Variants in EPM2A observed in about 807,000 individuals in gnomAD.
EPM2A encodes the protein laforin.
Under a neutral mutation model 26.5 loss-of-function variants are expected in EPM2A, and 21 were observed. The observed-to-expected ratio is 0.79, with a 90% CI of 0.56 to 1.14. EPM2A has a LOEUF of 1.14. Ranked by LOEUF, EPM2A falls within the 50% of genes most tolerant of loss-of-function variation. The probability of loss-of-function intolerance (pLI) is 0.00; values close to 1 mark genes in which losing one functional copy is unlikely to be tolerated. For missense variants in EPM2A, 458 were observed against 440.8 expected (o/e 1.04, Z -0.35); for synonymous variants, 217 against 177.6 (o/e 1.22, Z -1.76).
At chr6:145,405,407 G>A (rs1778553346) in intron 4 of EPM2A, among the ~76,000 whole-genome samples, 2 of 151,964 alleles carry the variant, frequency 1.3e-5, no homozygotes, top group Admixed American at 6.6e-5. Context: ...TCATCCTAAG[G>A]CAAGACTTTC....
At chr6:145,609,872 G>A (rs534503190) in intron 2 of EPM2A, among the ~76,000 whole-genome samples, 3 of 152,272 alleles carry the variant, frequency 2.0e-5, no homozygotes, top group South Asian at 4.1e-4. Flanking sequence ...CTTTGGAAGG[G>A]ACCTTGGAAT....
intron 1 of EPM2A, among the ~76,000 whole-genome samples, chr6:145,693,272 A>G (rs1024882723): frequency 6.6e-5 from 10 of 151,954 alleles, no homozygotes; most frequent in African/African-American, 2.4e-4. Flanking sequence ...TGTATCCTAA[A>G]ACTTTGCTCA....
downstream of EPM2A, among the ~76,000 whole-genome samples, chr6:145,497,570 C>A (rs1371584459): frequency 2.1e-5 from 1 of 47,210 alleles, no homozygotes; most frequent in African/African-American, 6.9e-5. Flanking sequence ...CCTAGAGTAG[C>A]TGTGCTGTGC....
intron 2 of EPM2A, among the ~76,000 whole-genome samples, chr6:145,541,930 T>A (rs1018608523): frequency 1.3e-5 from 2 of 152,006 alleles, no homozygotes; most frequent in East Asian, 1.9e-4. Flanking sequence ...TTTTCTTACC[T>A]TTTTTTTAAA....
chr6:145,700,369 AT>A (rs1380868443), intron 1 of EPM2A, among the ~76,000 whole-genome samples: 1 of 151,784 alleles, frequency 6.6e-6, no homozygotes, highest in East Asian at 1.9e-4. Context: ...CTGGTAGTTC[AT>A]TTTTTTTCCT....
intron 2 of EPM2A, 166 bp from the exon 3 acceptor site, chr6:145,635,652 G>C (rs1249462253): frequency 3.0e-6 from 2 of 670,048 alleles, no homozygotes; most frequent in Admixed American, 5.2e-5. Flanking sequence ...GAAAGAAAAA[G>C]TACTGGTGTT....
At chr6:145,477,007 A>G (rs911892533) in intron 4 of EPM2A, among the ~76,000 whole-genome samples, 6 of 151,912 alleles carry the variant, frequency 3.9e-5, no homozygotes, top group South Asian at 2.1e-4. Context: ...GCAACAAAAA[A>G]TTGGTTTCTT....
intron 4 of EPM2A, among the ~76,000 whole-genome samples, chr6:145,470,188 A>T (rs942597041): frequency 6.6e-6 from 1 of 152,184 alleles, no homozygotes; most frequent in Non-Finnish European, 1.5e-5. Context: ...AATGTTTGTA[A>T]CATCATAAAA....
In EPM2A at chr6:145,627,228, T is replaced by C. The variant is rs2128555762; in HGVS notation, c.*188A>G. The C allele has an allele frequency of 4.7e-6, 7 of 1,482,088 alleles. No individual in the cohort carries two copies. In the South Asian group the frequency reaches 8.3e-5, roughly 18 times the overall value. 91.8% of individuals were successfully genotyped at this position (1,482,088 alleles called of 1,614,324 possible). A position where few individuals can be genotyped will look rare whatever the true frequency, so the allele number is the denominator to read the frequency against. Reference sequence around the variant, plus strand: ...CATGTGTTGAGCCACAGCTTTCTTGTAGAGTATTTCAAAAATACAGCCCCA... The same window carrying C: ...CATGTGTTGAGCCACAGCTTTCTTGCAGAGTATTTCAAAAATACAGCCCCA... On this transcript the variant is annotated 3_prime_UTR_variant, in exon 4 of 4. Coordinates refer to ENST00000367519, the MANE Select transcript of EPM2A (RefSeq NM_005670.4).
At chr6:145,475,109 C>A (rs1473787910) in intron 4 of EPM2A, among the ~76,000 whole-genome samples, 5 of 152,076 alleles carry the variant, frequency 3.3e-5, no homozygotes, top group African/African-American at 4.8e-5. Flanking sequence ...CCCAGCAATC[C>A]CATTACTGGG....
At chr6:145,422,265 TA>T (rs1232484832) in intron 4 of EPM2A, among the ~76,000 whole-genome samples, 3 of 147,236 alleles carry the variant, frequency 2.0e-5, no homozygotes, top group African/African-American at 7.4e-5. Context: ...TAACTATATA[TA>T]ATTATAGATT....
In EPM2A at chr6:145,395,955, C is replaced by T. The variant is rs527844660; in HGVS notation, c.556-11858G>A. On this transcript the variant is annotated intron_variant, in intron 4 of 4. Transcript: ENST00000638717. Reference sequence around the variant, plus strand: ...ACTGCATGCCCTCACTCAAGCCTGTCCACTAGCCACATATAAAGGGGGTAA... The same window carrying T: ...ACTGCATGCCCTCACTCAAGCCTGTTCACTAGCCACATATAAAGGGGGTAA... Among the ~76,000 whole-genome samples, 5 of 152,260 alleles carry T rather than the reference C, an allele frequency of 3.3e-5. No homozygotes were observed. The South Asian group carries it at 1.0e-3, about 32-fold the overall frequency.
intron 4 of EPM2A, among the ~76,000 whole-genome samples, chr6:145,390,563 T>TTCTCTCTCTCTCTCTCTC (rs61299104): frequency 7.1e-4 from 105 of 148,622 alleles, no homozygotes; most frequent in African/African-American, 2.0e-3. Flanking sequence ...TGCATGCACA[T>TTCTCTCTCTCTCTCTCTC]TCTCTCTCTC....
chr6:145,586,354 T>C (rs1021779232), intron 2 of EPM2A, among the ~76,000 whole-genome samples: 1 of 152,112 alleles, frequency 6.6e-6, no homozygotes, highest in African/African-American at 2.4e-5. Context: ...CTTTTTTTTA[T>C]CATTATGACC....
intron 2 of EPM2A, among the ~76,000 whole-genome samples, chr6:145,680,307 G>A (rs1273333871): frequency 1.3e-5 from 2 of 150,594 alleles, no homozygotes; most frequent in Non-Finnish European, 3.0e-5. Context: ...AACCTCTCTA[G>A]ATAAATCATA....
rs1201742298 is a variant in EPM2A at position 145,488,522 on chromosome 6, T to TGTGTGA, written c.555+13999_555+14000insTCACAC. 8.9e-3 allele frequency among the ~76,000 whole-genome samples: 1,251 copies of TGTGTGA among 139,946 alleles called. 13 individuals are homozygous for TGTGTGA. The highest frequency in any genetic ancestry group is 0.033 in the African/African-American group (1,167 of 35,618). 91.8% of individuals were successfully genotyped at this position (139,946 alleles called of 152,430 possible). A position where few individuals can be genotyped will look rare whatever the true frequency, so the allele number is the denominator to read the frequency against. On this transcript the variant is annotated intron_variant, in intron 4 of 4. Coordinates refer to the EPM2A transcript ENST00000638717. ...GTGTGTGTGTGTGTGTGTGTGTGTG[T>TGTGTGA]GAGAGAGAGAGAGAGAGAGAGAGAG...
chr6:145,454,958 T>C (rs1175047402), intron 4 of EPM2A, among the ~76,000 whole-genome samples: 1 of 152,172 alleles, frequency 6.6e-6, no homozygotes, highest in Non-Finnish European at 1.5e-5. Context: ...AATTGTACAA[T>C]TGTGTGCAAA....
chr6:145,597,121 C>G (rs914980796), intron 2 of EPM2A, among the ~76,000 whole-genome samples: 9 of 151,578 alleles, frequency 5.9e-5, no homozygotes, highest in Non-Finnish European at 1.2e-4. Flanking sequence ...GTCTCGATCT[C>G]CTGACCTCAT....
intron 2 of EPM2A, among the ~76,000 whole-genome samples, chr6:145,503,098 C>T (rs1348659800): frequency 2.6e-5 from 4 of 152,028 alleles, no homozygotes; most frequent in African/African-American, 9.7e-5. Context: ...ATCATCTGTC[C>T]TTTCTATTAA....
Sources: allele counts gnomAD v4.1 joint callset (sites outside exome capture counted in the v4.1 genomes callset), GRCh38; gene constraint gnomAD v4.1.1; transcripts MANE v1.5; gene names NCBI Gene and HGNC (gene_info 2026-07-23, HGNC 2026-07-21).